Variants in DCUN1D4 observed in about 807,000 individuals in gnomAD.
DCUN1D4 encodes DCN1-like protein 4.
A neutral mutation model predicts 47.9 loss-of-function variants in DCUN1D4; 22 were observed. That is an observed-to-expected ratio of 0.46 (90% confidence interval 0.33 to 0.66). DCUN1D4 has a LOEUF of 0.66. Among genes scored for constraint, DCUN1D4 ranks in the 30% least tolerant of loss-of-function variants. The pLI, the probability that DCUN1D4 is intolerant of heterozygous loss-of-function variation, is 0.02. For synonymous variants in DCUN1D4, 121 were observed against 112.2 expected, an observed-to-expected ratio of 1.08 and a Z score of -0.50; for missense variants, 301 against 340.8, an observed-to-expected ratio of 0.88 and a Z score of 0.92.
At chr4:51,863,346 A>G (rs2109900918) in intron 1 of DCUN1D4, 91 bp from the exon 2 acceptor site, 1 of 1,061,310 alleles carries the variant, frequency 9.4e-7, no homozygotes, top group Non-Finnish European at 1.4e-6. Flanking sequence ...ATAGTATTTA[A>G]TTATATCAAA....
intron 5 of DCUN1D4, chr4:51,884,431 C>T (rs1177525967): frequency 3.3e-5 from 5 of 151,278 alleles, no homozygotes; most frequent in Admixed American, 1.3e-4. Flanking sequence ...GTGCATAGCT[C>T]CAGGATGTGT....
At chr4:51,883,870 T>G (rs1450356434) in intron 5 of DCUN1D4, among the ~76,000 whole-genome samples, 2 of 151,920 alleles carry the variant, frequency 1.3e-5, no homozygotes, top group African/African-American at 4.8e-5. Flanking sequence ...TGGAACATTT[T>G]ATTTTTTATT....
intron 8 of DCUN1D4, among the ~76,000 whole-genome samples, chr4:51,904,280 T>C (rs1171842531): frequency 1.3e-5 from 2 of 152,284 alleles, no homozygotes; most frequent in African/African-American, 2.4e-5. Flanking sequence ...ATGAGATCTT[T>C]CCATGCTGAC....
chr4:51,892,061 G>A (rs1241312840), intron 7 of DCUN1D4, among the ~76,000 whole-genome samples: 9 of 152,312 alleles, frequency 5.9e-5, no homozygotes, highest in Admixed American at 2.0e-4. Flanking sequence ...TATTTGGAGC[G>A]AGAGAGTGTG....
chr4:51,886,693 T>C (rs1329642786), intron 6 of DCUN1D4, 55 bp downstream of exon 6: 8 of 1,366,324 alleles, frequency 5.9e-6, no homozygotes, highest in Middle Eastern at 1.8e-4. Context: ...CATACTTAAA[T>C]CTTTGTTCTT....
intron 7 of DCUN1D4, among the ~76,000 whole-genome samples, chr4:51,894,565 G>T (rs910882485): frequency 2.6e-5 from 4 of 152,170 alleles, no homozygotes; most frequent in Admixed American, 6.5e-5. Flanking sequence ...AAGGTCACTT[G>T]TCTTTATGCC....
chr4:51,857,894 A>T lies in DCUN1D4; in HGVS notation c.26-5543A>T, dbSNP rs556778741. ...TTGTTGAATATTTATTGAGCACCTAATATGTGCCAGGTACTCTTCTAGGTA... is the reference window on the plus strand; with the variant it reads ...TTGTTGAATATTTATTGAGCACCTATTATGTGCCAGGTACTCTTCTAGGTA... On this transcript the variant is annotated intron_variant, in intron 1 of 10. Transcript: ENST00000334635. Among the ~76,000 whole-genome samples, 21 of 152,274 alleles carry T rather than the reference A, an allele frequency of 1.4e-4. No individual in the cohort carries two copies. The South Asian group carries it at 4.4e-3, about 32-fold the overall frequency.
intron 7 of DCUN1D4, among the ~76,000 whole-genome samples, chr4:51,898,588 A>G (rs1477198883): frequency 1.3e-5 from 2 of 152,266 alleles, no homozygotes; most frequent in Non-Finnish European, 2.9e-5. Context: ...GGACACCACC[A>G]TAACCATAGG....
At chr4:51,849,771 A>G (rs1191808158) in intron 1 of DCUN1D4, among the ~76,000 whole-genome samples, 2 of 152,084 alleles carry the variant, frequency 1.3e-5, no homozygotes, top group Non-Finnish European at 2.9e-5. Flanking sequence ...CCTAGGAGCT[A>G]ATACATAACT....
At chr4:51,886,941 C>A in intron 6 of DCUN1D4, 1 of 418,472 alleles carries the variant, frequency 2.4e-6, no homozygotes, top group Non-Finnish European at 4.5e-6. Context: ...CAACTGGAGG[C>A]CACATTGTAC....
chr4:51,897,370 G>T (rs532954449), intron 7 of DCUN1D4, among the ~76,000 whole-genome samples: 4 of 152,050 alleles, frequency 2.6e-5, no homozygotes, highest in Admixed American at 1.3e-4. Context: ...AAATAGATTC[G>T]TGTGCTCTAT....
rs1734224623 is a variant in DCUN1D4, at chr4:51,915,284, C to G, written c.*1700C>G. Reference sequence around the variant, plus strand: ...ATCATGATATAGTAGAATGCAACTACTTTCTTTTTCTACCAAACGAAAGGT... The same window carrying G: ...ATCATGATATAGTAGAATGCAACTAGTTTCTTTTTCTACCAAACGAAAGGT... On this transcript the variant is annotated 3_prime_UTR_variant, in exon 11 of 11. Coordinates refer to ENST00000334635, the MANE Select transcript of DCUN1D4 (RefSeq NM_001040402.3). 1 of 152,534 alleles carries G rather than the reference C, an allele frequency of 6.6e-6. No homozygotes were observed. 9.4% of individuals were successfully genotyped at this position (152,534 alleles called of 1,614,324 possible). A position where few individuals can be genotyped will look rare whatever the true frequency, so the allele number is the denominator to read the frequency against.
At chr4:51,875,199 A>G (rs1265933613) in intron 4 of DCUN1D4, 1 of 152,222 alleles carries the variant, frequency 6.6e-6, no homozygotes, top group Non-Finnish European at 1.5e-5. Flanking sequence ...GTCATTGTTT[A>G]TATCTCAAAT....
chr4:51,892,102 G>C (rs1228627125), intron 7 of DCUN1D4, among the ~76,000 whole-genome samples: 2 of 152,166 alleles, frequency 1.3e-5, no homozygotes, highest in Non-Finnish European at 2.9e-5. Flanking sequence ...CTCTCTCCAG[G>C]AGAAACAGAC....
chr4:51,872,018 G>C (rs1726974625), intron 3 of DCUN1D4, among the ~76,000 whole-genome samples: 1 of 152,146 alleles, frequency 6.6e-6, no homozygotes, highest in South Asian at 2.1e-4. Context: ...CCAATCCTTG[G>C]AAGGAAAGAG....
rs1734092771 is a variant in DCUN1D4 at position 51,914,131 on chromosome 4, A to C, written c.*547A>C. 6.6e-6 allele frequency: 1 copy of C among 152,660 alleles called. No individual in the cohort carries two copies. Among genetic ancestry groups the C allele is most frequent in the Non-Finnish European group, 1.5e-5 (1 of 68,336 alleles). 9.5% of individuals were successfully genotyped at this position (152,660 alleles called of 1,614,324 possible). A position where few individuals can be genotyped will look rare whatever the true frequency, so the allele number is the denominator to read the frequency against. On this transcript the variant is annotated 3_prime_UTR_variant, in exon 11 of 11. Coordinates refer to ENST00000334635, the MANE Select transcript of DCUN1D4 (RefSeq NM_001040402.3). ...ATGCCAAATATCATTTGGTATACTT[A>C]ACAATATTAGTGTTTTAAAATGATG...
Position 51,912,132 on chromosome 4 carries a change from A to G in DCUN1D4, c.720+958A>G, listed in dbSNP as rs929791278. Among the ~76,000 whole-genome samples the G allele has an allele frequency of 3.3e-5, 5 of 152,300 alleles. 1 individual carries two copies. Among genetic ancestry groups the G allele is most frequent in the African/African-American group, 2.4e-5 (1 of 41,574 alleles). ...TTTTACGTAAGTATCTGTTTACCCA[A>G]AATAGTCCATGTTGACATATGGTCT... On this transcript the variant is annotated intron_variant, in intron 9 of 10. Coordinates refer to ENST00000334635, the MANE Select transcript of DCUN1D4 (RefSeq NM_001040402.3).
At chr4:51,873,889 T>TG (rs1371678293) in intron 3 of DCUN1D4, among the ~76,000 whole-genome samples, 1 of 152,226 alleles carries the variant, frequency 6.6e-6, no homozygotes, top group Non-Finnish European at 1.5e-5. Flanking sequence ...CAGGGTTACT[T>TG]GTTGAGCTAA....
chr4:51,913,146 C>T (rs998475292), intron 9 of DCUN1D4, 144 bp from the exon 10 acceptor site: 4 of 478,456 alleles, frequency 8.4e-6, no homozygotes, highest in African/African-American at 6.0e-5. Context: ...CCCTCACCAT[C>T]CTCCTAGATT....
Sources: gnomAD v4.1 joint callset for allele counts (sites outside exome capture counted in the v4.1 genomes callset) on GRCh38, gnomAD v4.1.1 for gene constraint, MANE v1.5 for transcripts, NCBI Gene and HGNC (gene_info 2026-07-23, HGNC 2026-07-21) for gene names.